The following CDK5RAP1 variants were observed in gnomAD, a reference collection of about 807,000 sequenced individuals.
CDK5RAP1 encodes the protein mitochondrial tRNA methylthiotransferase CDK5RAP1.
CDK5RAP1 carries 62 observed loss-of-function variants against 64.5 expected under a neutral mutation model. The observed-to-expected ratio is 0.96, with a 90% CI of 0.78 to 1.19. The LOEUF is 1.19. Ranked by LOEUF, CDK5RAP1 falls within the 50% of genes most tolerant of loss-of-function variation. The pLI is 0.00. For synonymous variants in CDK5RAP1, 250 were observed against 261.9 expected (o/e 0.95, Z 0.44); for missense variants, 657 against 735.0 (o/e 0.89, Z 1.23).
chr20:33,389,565 C>T (rs1988032419), intron 5 of CDK5RAP1, among the ~76,000 whole-genome samples: 1 of 151,370 alleles, frequency 6.6e-6, no homozygotes, highest in Non-Finnish European at 1.5e-5. Flanking sequence ...GCCCGGCCAG[C>T]CGCCCCGTCC....
intron 8 of CDK5RAP1, among the ~76,000 whole-genome samples, chr20:33,379,218 T>C (rs1247099491): frequency 6.6e-6 from 1 of 152,172 alleles, no homozygotes; most frequent in African/African-American, 2.4e-5. Flanking sequence ...TTCCAACTCC[T>C]GAGCTCAAGT....
intron 11 of CDK5RAP1, among the ~76,000 whole-genome samples, chr20:33,369,713 G>A (rs1312113702): frequency 6.6e-6 from 1 of 152,106 alleles, no homozygotes; most frequent in Non-Finnish European, 1.5e-5. Context: ...CCAGGAGTTT[G>A]AGACCAACCT....
intron 11 of CDK5RAP1, among the ~76,000 whole-genome samples, chr20:33,368,248 A>G (rs6120241): frequency 0.42 from 64,059 of 151,912 alleles, 14,470 homozygotes; most frequent in Non-Finnish European, 0.51. Context: ...TTCACTGACC[A>G]TAAGATGCTT....
chr20:33,383,298 C>T lies in CDK5RAP1; in HGVS notation c.876+2352G>A, dbSNP rs185975326. Among the ~76,000 whole-genome samples, 4 of 151,782 alleles carry T rather than the reference C, an allele frequency of 2.6e-5. No homozygotes were observed. The East Asian group carries it at 5.9e-4, about 22-fold the overall frequency. On this transcript the variant is annotated intron_variant, in intron 7 of 13. Coordinates refer to ENST00000346416, the MANE Select transcript of CDK5RAP1 (RefSeq NM_016408.4). ...AAACAACATGCTCTACTTTGAAATA[C>T]GTTTTCAATAAGAAAAAAATAAATG...
intron 2 of CDK5RAP1, 63 bp downstream of exon 2, chr20:33,396,698 T>C (rs1390289989): frequency 5.7e-6 from 7 of 1,224,792 alleles, no homozygotes; most frequent in Non-Finnish European, 7.1e-6. Context: ...AAAAGAATCA[T>C]GCCAGGAATG....
At chr20:33,394,908 C>A in intron 3 of CDK5RAP1, 105 bp downstream of exon 3, 1 of 728,936 alleles carries the variant, frequency 1.4e-6, no homozygotes. Context: ...AGGGAACTCT[C>A]TCTCACCAGG....
Position 33,392,249 on chromosome 20 carries a change from A to G in CDK5RAP1, c.444-7T>C, listed in dbSNP as rs1193640754. 6.3e-7 allele frequency: 1 copy of G among 1,579,512 alleles called. No individual in the cohort carries two copies. Among genetic ancestry groups the G allele is most frequent in the Admixed American group, 1.7e-5 (1 of 58,066 alleles). On this transcript the variant is annotated splice_region_variant and splice_polypyrimidine_tract_variant and intron_variant, in intron 4 of 13. Transcript: ENST00000346416. ...GGTCTGCTCAGCCTTCTCCCTAGAG[A>G]GATCAAAGGAGGCAAGACTGAACCA...
chr20:33,392,284 C>T (rs1818812191), intron 4 of CDK5RAP1, 42 bp from the exon 5 acceptor site: 2 of 1,253,864 alleles, frequency 1.6e-6, no homozygotes, highest in South Asian at 1.3e-5. Context: ...AAAAATAAAC[C>T]ACAGAGGTAT....
At chr20:33,370,025 CCTT>C (rs1464958752) in intron 11 of CDK5RAP1, among the ~76,000 whole-genome samples, 2 of 152,178 alleles carry the variant, frequency 1.3e-5, no homozygotes, top group African/African-American at 2.4e-5. Flanking sequence ...TTCCTAATCT[CCTT>C]CTGCTTTGCC....
At chr20:33,367,731 G>A (rs991516174) in intron 11 of CDK5RAP1, among the ~76,000 whole-genome samples, 2 of 152,140 alleles carry the variant, frequency 1.3e-5, no homozygotes, top group East Asian at 3.8e-4. Flanking sequence ...AAAGAAAAAA[G>A]GGAATTTATC....
At chr20:33,372,497 CGAG>C in intron 10 of CDK5RAP1, 142 bp downstream of exon 10, 1 of 485,006 alleles carries the variant, frequency 2.1e-6, no homozygotes, top group Non-Finnish European at 3.6e-6. Flanking sequence ...AGAAAGAATA[CGAG>C]GAGAGAGAAA....
intron 6 of CDK5RAP1, among the ~76,000 whole-genome samples, 182 bp downstream of exon 6, chr20:33,387,141 C>A (rs1053467405): frequency 6.6e-6 from 1 of 151,668 alleles, no homozygotes; most frequent in South Asian, 2.1e-4. Context: ...GGGGTGCACA[C>A]CTGTAGTCCC....
intron 5 of CDK5RAP1, among the ~76,000 whole-genome samples, chr20:33,391,182 A>G (rs1191140415): frequency 6.9e-6 from 1 of 145,712 alleles, no homozygotes; most frequent in Non-Finnish European, 1.5e-5. Context: ...TGAGCCCAGG[A>G]GTTGGAGGCT....
Position 33,374,632 on chromosome 20 carries a change from C to G in CDK5RAP1, c.1108-420G>C, listed in dbSNP as rs891770714. Among the ~76,000 whole-genome samples the G allele has an allele frequency of 3.3e-5, 5 of 151,632 alleles. No homozygotes were observed. In the South Asian group the frequency reaches 1.0e-3, roughly 32 times the overall value. On this transcript the variant is annotated intron_variant, in intron 8 of 13. Coordinates refer to ENST00000346416, the MANE Select transcript of CDK5RAP1 (RefSeq NM_016408.4). ...AGGCTGGAGTACAGTGGTGCCATCT[C>G]CACTCACTGCAACCTCTGTCTCCTG... is the stretch of plus-strand genomic sequence containing the variant.
Position 33,370,469 on chromosome 20 carries a change from A to G in CDK5RAP1, c.1392+30T>C, listed in dbSNP as rs1362046327. 3 of 1,612,828 alleles carry G rather than the reference A, an allele frequency of 1.9e-6. No individual in the cohort carries two copies. In the Admixed American group the frequency reaches 5.0e-5, roughly 27 times the overall value. On this transcript the variant is annotated intron_variant, in intron 11 of 13. Transcript: ENST00000346416. ...ACCACCCCCAAACTGGTCAGGAATG[A>G]TGTCAGTCCTCCCCAACCCCAGGGC...
Position 33,358,991 on chromosome 20 carries a change from C to G in CDK5RAP1, c.*52G>C. ...TTCCTCAGTGGCAGGCAATGTCTCCCCTTCCTGTTGGGGAGGATTGCCCAA... is the reference window on the plus strand; with the variant it reads ...TTCCTCAGTGGCAGGCAATGTCTCCGCTTCCTGTTGGGGAGGATTGCCCAA... On this transcript the variant is annotated 3_prime_UTR_variant, in exon 14 of 14. Transcript: ENST00000346416. 1 of 1,331,996 alleles carries G rather than the reference C, an allele frequency of 7.5e-7. No individual in the cohort carries two copies. Among genetic ancestry groups the G allele is most frequent in the South Asian group, 1.2e-5 (1 of 83,730 alleles). 82.5% of individuals were successfully genotyped at this position (1,331,996 alleles called of 1,614,324 possible).
chr20:33,386,064 T>C (rs918178630), intron 6 of CDK5RAP1, among the ~76,000 whole-genome samples: 2 of 152,120 alleles, frequency 1.3e-5, no homozygotes, highest in African/African-American at 4.8e-5. Flanking sequence ...CTTTCTACTG[T>C]TTTTTTGTTT....
chr20:33,373,541 C>T (rs1012739716), intron 9 of CDK5RAP1: 1 of 152,432 alleles, frequency 6.6e-6, no homozygotes, highest in African/African-American at 2.4e-5. Flanking sequence ...AATACTATGC[C>T]CTGTGGAAAA....
At chr20:33,383,762 A>T (rs1987063694) in intron 7 of CDK5RAP1, among the ~76,000 whole-genome samples, 2 of 148,782 alleles carry the variant, frequency 1.3e-5, no homozygotes, top group African/African-American at 4.9e-5. Flanking sequence ...AAAAAAAAAA[A>T]TCAGCCAGGT....
Sources: gnomAD v4.1 joint callset for allele counts (sites outside exome capture counted in the v4.1 genomes callset) on GRCh38, gnomAD v4.1.1 for gene constraint, MANE v1.5 for transcripts, NCBI Gene and HGNC (gene_info 2026-07-23, HGNC 2026-07-21) for gene names.